Variants in ATG5 observed in about 807,000 individuals in gnomAD.
ATG5 encodes autophagy protein 5.
ATG5 carries 14 observed loss-of-function variants against 36.5 expected under a neutral mutation model. The observed-to-expected ratio is 0.38, with a 90% CI of 0.25 to 0.60. ATG5 has a LOEUF of 0.60. ATG5 is among the 20% of genes least tolerant of loss of function. ATG5 has a pLI of 0.60. For synonymous variants in ATG5, 95 were observed against 101.5 expected, an observed-to-expected ratio of 0.94 and a Z score of 0.38; for missense variants, 195 against 326.7, an observed-to-expected ratio of 0.60 and a Z score of 3.11.
chr6:106,261,816 A>G (rs1198160058), intron 5 of ATG5, among the ~76,000 whole-genome samples: 1 of 152,190 alleles, frequency 6.6e-6, no homozygotes, highest in Admixed American at 6.5e-5. Context: ...GTTGAAAAAA[A>G]TGAAACAATT....
At chr6:106,308,282 T>C in intron 3 of ATG5, 82 bp downstream of exon 3, 2 of 1,273,152 alleles carry the variant, frequency 1.6e-6, no homozygotes, top group East Asian at 5.6e-5. Context: ...CGCAGGACTT[T>C]TTTTACAATT....
chr6:106,323,464 A>G (rs1771175422), intron 1 of ATG5, among the ~76,000 whole-genome samples: 2 of 149,710 alleles, frequency 1.3e-5, no homozygotes, highest in African/African-American at 4.9e-5. Flanking sequence ...TTGTAGAGAC[A>G]GGGTCTCGTT....
chr6:106,243,628 C>G (rs1260575527), intron 6 of ATG5, among the ~76,000 whole-genome samples: 4 of 150,624 alleles, frequency 2.7e-5, no homozygotes, highest in African/African-American at 9.7e-5. Context: ...GTCAGGAGTT[C>G]TAGACCAGCC....
chr6:106,240,912 G>A (rs145409122), intron 6 of ATG5, among the ~76,000 whole-genome samples: 308 of 152,318 alleles, frequency 2.0e-3, no homozygotes, highest in African/African-American at 7.1e-3. Context: ...CAGCACTTTG[G>A]GAGGCCAAAG....
At chr6:106,225,992 T>C (rs1777437854) in intron 6 of ATG5, among the ~76,000 whole-genome samples, 1 of 152,246 alleles carries the variant, frequency 6.6e-6, no homozygotes, top group African/African-American at 2.4e-5. Flanking sequence ...TAGAGCTGTG[T>C]ACACGCTCAA....
In ATG5 at chr6:106,316,183, C is replaced by T; in HGVS notation, c.26G>A (p.Arg9Gln). Residue 9 changes from arginine to glutamine, a missense_variant, in exon 2 of 8, where the codon CGA (arginine) becomes CAA (glutamine). Transcript: ENST00000369076. Reference sequence around the variant, plus strand: ...TGGAATTCGTCCAAACCACACATCTCGAAGCACATCTTTGTCATCTGTCAT... The same window carrying T: ...TGGAATTCGTCCAAACCACACATCTTGAAGCACATCTTTGTCATCTGTCAT... MTDDKDVL[R>Q]DVWFGRIPTC... 6.2e-7 allele frequency: 1 copy of T among 1,613,616 alleles called. No homozygotes were observed. Among genetic ancestry groups the T allele is most frequent in the Non-Finnish European group, 8.5e-7 (1 of 1,179,714 alleles).
intron 6 of ATG5, among the ~76,000 whole-genome samples, chr6:106,237,396 A>G (rs567406513): frequency 2.0e-5 from 3 of 152,188 alleles, no homozygotes; most frequent in Non-Finnish European, 2.9e-5. Context: ...TCTTGCAAAA[A>G]AGATATTTCT....
At chr6:106,198,743 T>C (rs575510627) in intron 7 of ATG5, among the ~76,000 whole-genome samples, 2 of 150,238 alleles carry the variant, frequency 1.3e-5, no homozygotes, top group African/African-American at 4.9e-5. Flanking sequence ...ACCACTGCGC[T>C]CCAACCTGGG....
At chr6:106,290,186 T>C (rs1047365467) in intron 4 of ATG5, among the ~76,000 whole-genome samples, 1 of 150,136 alleles carries the variant, frequency 6.7e-6, no homozygotes, top group African/African-American at 2.4e-5. Flanking sequence ...GCCACCATAC[T>C]TGGCTTATTT....
At chr6:106,222,488 G>A (rs1294280058) in intron 6 of ATG5, among the ~76,000 whole-genome samples, 1 of 152,126 alleles carries the variant, frequency 6.6e-6, no homozygotes, top group Non-Finnish European at 1.5e-5. Context: ...AGAACATTAT[G>A]TTTTTACTTT....
intron 5 of ATG5, among the ~76,000 whole-genome samples, chr6:106,258,891 A>G (rs779107462): frequency 6.6e-6 from 1 of 152,220 alleles, no homozygotes; most frequent in African/African-American, 2.4e-5. Context: ...TAGAGATGAC[A>G]GAACAGCACA....
In ATG5 at chr6:106,224,382, G is replaced by A. The variant is rs533179233; in HGVS notation, c.574-22293C>T. ...AAATGGCAAGAAGGGAATAAATGAA[G>A]ACAGTTCTGGTCCATTAGAACTGCA... On this transcript the variant is annotated intron_variant, in intron 6 of 7. Transcript: ENST00000369076. Among the ~76,000 whole-genome samples, 11 of 152,304 alleles carry A rather than the reference G, an allele frequency of 7.2e-5. No homozygotes were observed. In the East Asian group the frequency reaches 2.1e-3, roughly 29 times the overall value.
At chr6:106,263,339 C>A (rs1014686550) in intron 5 of ATG5, among the ~76,000 whole-genome samples, 1 of 152,190 alleles carries the variant, frequency 6.6e-6, no homozygotes, top group African/African-American at 2.4e-5. Flanking sequence ...GTAATGGCCC[C>A]ACTCATGGGC....
intron 6 of ATG5, among the ~76,000 whole-genome samples, chr6:106,206,418 C>T (rs114288206): frequency 1.8e-3 from 280 of 152,160 alleles, no homozygotes; most frequent in African/African-American, 6.3e-3. Context: ...CTAGGCTGGG[C>T]GTGGTGGATC....
At chr6:106,299,298 G>A (rs963747349) in intron 3 of ATG5, among the ~76,000 whole-genome samples, 3 of 152,078 alleles carry the variant, frequency 2.0e-5, no homozygotes, top group Admixed American at 1.3e-4. Context: ...TAAGTGCTAC[G>A]TAAATAGTTG....
At chr6:106,221,685 CAAAA>C (rs11442463) in intron 6 of ATG5, among the ~76,000 whole-genome samples, 2 of 70,922 alleles carry the variant, frequency 2.8e-5, no homozygotes, top group Non-Finnish European at 3.1e-5. Context: ...GACCCTGTCT[CAAAA>C]AAAAAAAAAA....
chr6:106,323,834 G>A (rs1292226060), intron 1 of ATG5, among the ~76,000 whole-genome samples: 3 of 152,110 alleles, frequency 2.0e-5, no homozygotes, highest in East Asian at 3.8e-4. Context: ...ACAAATTAAG[G>A]TTCTTATAAA....
intron 7 of ATG5, among the ~76,000 whole-genome samples, chr6:106,199,944 G>GT (rs1181790992): frequency 6.6e-6 from 1 of 152,142 alleles, no homozygotes; most frequent in Non-Finnish European, 1.5e-5. Flanking sequence ...TTTATAAAAT[G>GT]TATTTATAAC....
Position 106,192,114 on chromosome 6 carries a change from T to A in ATG5, c.692-5438A>T, listed in dbSNP as rs1176866989. 2.0e-5 allele frequency among the ~76,000 whole-genome samples: 3 copies of A among 152,266 alleles called. No homozygotes were observed. In the East Asian group the frequency reaches 5.8e-4, roughly 29 times the overall value. On this transcript the variant is annotated intron_variant, in intron 7 of 7. Transcript: ENST00000369076. Reference sequence around the variant, plus strand: ...AAGTATTAGAAACCTTCACGTTTATTTAATAGTGCTCTCAACACATATATT... The same window carrying A: ...AAGTATTAGAAACCTTCACGTTTATATAATAGTGCTCTCAACACATATATT...
Sources: gnomAD v4.1 joint callset for allele counts (sites outside exome capture counted in the v4.1 genomes callset) on GRCh38, gnomAD v4.1.1 for gene constraint, MANE v1.5 for transcripts, NCBI Gene and HGNC (gene_info 2026-07-23, HGNC 2026-07-21) for gene names.